The following POC1B variants were observed in gnomAD, a reference collection of about 807,000 sequenced individuals.
POC1B encodes the protein POC1 centriolar protein homolog B.
POC1B carries 44 observed loss-of-function variants against 60.6 expected under a neutral mutation model. The ratio of observed to expected loss-of-function variants is 0.73; its 90% CI spans 0.57 to 0.93. POC1B has a LOEUF of 0.93. Among genes scored for constraint, POC1B ranks in the 40% least tolerant of loss-of-function variants. The pLI, the probability that POC1B is intolerant of heterozygous loss-of-function variation, is 0.00. For synonymous variants in POC1B, 180 were observed against 198.9 expected (o/e 0.90, Z 0.80); for missense variants, 555 against 572.3 (o/e 0.97, Z 0.31).
At position 89,420,114 on chromosome 12, in the gene POC1B, A is replaced by C. The variant is rs890186197; in HGVS notation, c.*1039T>G. On this transcript the variant is annotated 3_prime_UTR_variant, in exon 12 of 12. Coordinates refer to ENST00000313546, the MANE Select transcript of POC1B (RefSeq NM_172240.3). ...CAGGTTGATAATCAAGCTGAAATTA[A>C]TTTGCTTGCTTTTCTTCAATTTAAT... 6.6e-6 allele frequency: 1 copy of C among 152,198 alleles called. No individual in the cohort carries two copies. The highest frequency in any genetic ancestry group is 2.4e-5 in the African/African-American group (1 of 41,456). 9.4% of individuals were successfully genotyped at this position (152,198 alleles called of 1,614,324 possible). A position where few individuals can be genotyped will look rare whatever the true frequency, so the allele number is the denominator to read the frequency against.
chr12:89,466,686 T>C, intron 9 of POC1B, 84 bp downstream of exon 9: 1 of 1,327,656 alleles, frequency 7.5e-7, no homozygotes, highest in Non-Finnish European at 1.0e-6. Flanking sequence ...GTTTTATATA[T>C]AATTCAGTAA....
chr12:89,435,985 G>A lies in POC1B; in HGVS notation c.1114-10606C>T, dbSNP rs150216302. 1.2e-3 allele frequency among the ~76,000 whole-genome samples: 178 copies of A among 149,108 alleles called. 2 individuals are homozygous for A. The East Asian group carries it at 0.028, about 23-fold the overall frequency. ...TTTTGAGACAGAATCTCACTATGTCGCCAGGCTGGAATGTAGTGGCACGAT... is the reference window on the plus strand; with the variant it reads ...TTTTGAGACAGAATCTCACTATGTCACCAGGCTGGAATGTAGTGGCACGAT... On this transcript the variant is annotated intron_variant, in intron 10 of 11. Transcript: ENST00000313546.
rs1592633132 is a variant in POC1B, at chr12:89,503,110, TCTCTCCCC to T, written c.101-5776_101-5769del. ...CTATCCCTATCCCTATCCCTATCCCTCTCTCCCCACGGTCTCCCTCTCCCTCTCTTTCC... is the reference window on the plus strand; with the variant it reads ...CTATCCCTATCCCTATCCCTATCCCTACGGTCTCCCTCTCCCTCTCTTTCC... On this transcript the variant is annotated intron_variant, in intron 2 of 11. Transcript: ENST00000313546. Among the ~76,000 whole-genome samples the T allele has an allele frequency of 5.9e-5, 9 of 151,738 alleles. No individual in the cohort carries two copies. In the East Asian group the frequency reaches 1.6e-3, roughly 26 times the overall value.
At chr12:89,522,991 T>C (rs779163655) in intron 2 of POC1B, 2 of 1,613,986 alleles carry the variant, frequency 1.2e-6, no homozygotes, top group Non-Finnish European at 1.7e-6. Context: ...GAACCCATCT[T>C]TGGGACAATT....
intron 10 of POC1B, chr12:89,428,578 A>C: frequency 6.6e-6 from 1 of 151,160 alleles, no homozygotes; most frequent in Non-Finnish European, 1.5e-5. Flanking sequence ...TTTTTTTGAG[A>C]TGGAGTCTCA....
At position 89,524,551 on chromosome 12, in the gene POC1B, C is replaced by G. The variant is rs772308787; in HGVS notation, c.100+569G>C. On this transcript the variant is annotated intron_variant, in intron 2 of 11. Transcript: ENST00000313546. Reference sequence around the variant, plus strand: ...TGCCCAAGTCCACCTCACCGCCATCCGGATTCTCAGGGCTGAGGCGCAGAC... The same window carrying G: ...TGCCCAAGTCCACCTCACCGCCATCGGGATTCTCAGGGCTGAGGCGCAGAC... 1.9e-6 allele frequency: 3 copies of G among 1,611,088 alleles called. No homozygotes were observed. The Admixed American group carries it at 5.0e-5, about 27-fold the overall frequency.
chr12:89,436,384 A>C (rs1040182580), intron 10 of POC1B, among the ~76,000 whole-genome samples: 2 of 152,218 alleles, frequency 1.3e-5, no homozygotes, highest in African/African-American at 2.4e-5. Flanking sequence ...TTAAAATTTC[A>C]GTCTCAGAAT....
intron 4 of POC1B, among the ~76,000 whole-genome samples, chr12:89,481,067 T>TCA (rs1868352995): frequency 2.3e-5 from 3 of 133,324 alleles, no homozygotes; most frequent in Non-Finnish European, 3.4e-5. Context: ...GCCTAATTGT[T>TCA]AGGGCCATGT....
At chr12:89,449,425 C>G (rs926246453) in intron 10 of POC1B, among the ~76,000 whole-genome samples, 2 of 152,126 alleles carry the variant, frequency 1.3e-5, no homozygotes, top group Admixed American at 6.5e-5. Flanking sequence ...TACATTTAAC[C>G]ATTCCACATG....
the POC1B span, among the ~76,000 whole-genome samples, chr12:89,413,009 C>T: frequency 6.6e-6 from 1 of 150,984 alleles, no homozygotes; most frequent in African/African-American, 2.4e-5. Flanking sequence ...AGAAATTTTC[C>T]TGCCTCAGCC....
rs183735916 is a variant in POC1B at position 89,471,586 on chromosome 12, C to A, written c.676+28G>T. ...CTTCCAAAAGGAGTCCATTCGGTAACTGAATTTTTTGTTAGGAAAATTGTT... is the reference window on the plus strand; with the variant it reads ...CTTCCAAAAGGAGTCCATTCGGTAAATGAATTTTTTGTTAGGAAAATTGTT... On this transcript the variant is annotated intron_variant, in intron 6 of 11. Coordinates refer to ENST00000313546, the MANE Select transcript of POC1B (RefSeq NM_172240.3). 8.3e-4 allele frequency: 1,289 copies of A among 1,546,500 alleles called. 1 individual carries two copies. Among genetic ancestry groups the A allele is most frequent in the Middle Eastern group, 2.7e-3 (16 of 5,920 alleles).
chr12:89,518,614 C>A (rs77685743), intron 2 of POC1B, among the ~76,000 whole-genome samples: 6,261 of 152,218 alleles, frequency 0.041, 416 homozygotes, highest in East Asian at 0.32. Flanking sequence ...CCAGAACATT[C>A]TCATAATCCC....
At chr12:89,445,078 T>TAGAA (rs1236200182) in intron 10 of POC1B, among the ~76,000 whole-genome samples, 1 of 152,146 alleles carries the variant, frequency 6.6e-6, no homozygotes, top group African/African-American at 2.4e-5. Context: ...CAAGGAGAAC[T>TAGAA]AGAAACCACT....
At position 89,496,442 on chromosome 12, in the gene POC1B, T is replaced by C. The variant is rs921927486; in HGVS notation, c.272+729A>G. Among the ~76,000 whole-genome samples the C allele has an allele frequency of 2.0e-5, 3 of 152,200 alleles. No homozygotes were observed. In the East Asian group the frequency reaches 5.8e-4, roughly 29 times the overall value. On this transcript the variant is annotated intron_variant, in intron 3 of 11. Coordinates refer to ENST00000313546, the MANE Select transcript of POC1B (RefSeq NM_172240.3). ...GGGAAAAAGTGAGGGGAGGTGTAGA[T>C]GAAACAAGATGGGCAGAATCCTGAC...
At position 89,492,052 on chromosome 12, in the gene POC1B, A is replaced by C; in HGVS notation, c.336T>G (p.Ala112=). ...TAPVRSVDFS[A]DGQFLATASE... is the part of the protein sequence containing the mutation. ...AAGCTGTAGCTAGAAACTGGCCATCAGCTGAAAAGTCTACACTTCGAACTG... is the reference window on the plus strand; with the variant it reads ...AAGCTGTAGCTAGAAACTGGCCATCCGCTGAAAAGTCTACACTTCGAACTG... The change falls in exon 4 of 12, where the codon GCT becomes GCG. Residue 112 remains alanine (A), a synonymous_variant. Coordinates refer to ENST00000313546, the MANE Select transcript of POC1B (RefSeq NM_172240.3). The C allele has an allele frequency of 6.2e-7, 1 of 1,609,142 alleles. No homozygotes were observed. Among genetic ancestry groups the C allele is most frequent in the Non-Finnish European group, 8.5e-7 (1 of 1,178,628 alleles).
chr12:89,436,479 T>C (rs1237604796), intron 10 of POC1B, among the ~76,000 whole-genome samples: 1 of 152,162 alleles, frequency 6.6e-6, no homozygotes, highest in East Asian at 1.9e-4. Flanking sequence ...TTTGGGAGGC[T>C]GAGATGGGTG....
intron 2 of POC1B, among the ~76,000 whole-genome samples, chr12:89,502,940 T>C (rs972922632): frequency 3.9e-5 from 6 of 152,198 alleles, no homozygotes; most frequent in South Asian, 2.1e-4. Context: ...GATAAAAAGA[T>C]GAAAGATCAA....
At chr12:89,452,140 A>G (rs1882068087) in intron 10 of POC1B, among the ~76,000 whole-genome samples, 2 of 152,092 alleles carry the variant, frequency 1.3e-5, no homozygotes, top group African/African-American at 2.4e-5. Flanking sequence ...GTGGGCTGAG[A>G]GCTGTCGGGC....
chr12:89,477,494 C>T (rs913399630), intron 4 of POC1B, among the ~76,000 whole-genome samples: 2 of 152,060 alleles, frequency 1.3e-5, no homozygotes, highest in Non-Finnish European at 1.5e-5. Flanking sequence ...CTGAACTTGC[C>T]CAAATGAATT....
Sources: allele counts gnomAD v4.1 joint callset (sites outside exome capture counted in the v4.1 genomes callset), GRCh38; gene constraint gnomAD v4.1.1; transcripts MANE v1.5; gene names NCBI Gene and HGNC (gene_info 2026-07-23, HGNC 2026-07-21).